The following CMTM6 variants were observed in gnomAD, a reference collection of about 807,000 sequenced individuals.
The protein encoded by CMTM6 is CKLF-like MARVEL transmembrane domain-containing protein 6.
CMTM6 carries 5 observed loss-of-function variants against 13.6 expected under a neutral mutation model. That is an observed-to-expected ratio of 0.37 (90% CI 0.19 to 0.77). CMTM6 has a LOEUF of 0.77. Among genes scored for constraint, CMTM6 ranks in the 30% least tolerant of loss-of-function variants. The probability of loss-of-function intolerance (pLI) is 0.50; values close to 1 mark genes in which losing one functional copy is unlikely to be tolerated. For missense variants in CMTM6, 196 were observed against 218.6 expected, an observed-to-expected ratio of 0.90 and a Z score of 0.65; for synonymous variants, 99 against 84.5, an observed-to-expected ratio of 1.17 and a Z score of -0.94.
chr3:32,491,585 G>C, intron 2 of CMTM6, 125 bp downstream of exon 2: 1 of 800,756 alleles, frequency 1.2e-6, no homozygotes, highest in East Asian at 2.8e-5. Context: ...AGCAGAGCGA[G>C]TTGGAACAAG....
At position 32,483,709 on chromosome 3, in the gene CMTM6, T is replaced by G. The variant is rs1172382481; in HGVS notation, c.*251A>C. The G allele has an allele frequency of 3.6e-6, 1 of 275,994 alleles. No homozygotes were observed. Among genetic ancestry groups the G allele is most frequent in the African/African-American group, 2.2e-5 (1 of 45,654 alleles). 17.1% of individuals were successfully genotyped at this position (275,994 alleles called of 1,614,324 possible). On this transcript the variant is annotated 3_prime_UTR_variant, in exon 4 of 4. Coordinates refer to ENST00000205636, the MANE Select transcript of CMTM6 (RefSeq NM_017801.3). ...GCTGTGTGATTTAAAAACAATTGTTTTCTCCTCCTCCCACCAAAATCTCCA... is the reference window on the plus strand; with the variant it reads ...GCTGTGTGATTTAAAAACAATTGTTGTCTCCTCCTCCCACCAAAATCTCCA...
rs564375190 is a variant in CMTM6, at chr3:32,483,170, G to A, written c.*790C>T. On this transcript the variant is annotated 3_prime_UTR_variant, in exon 4 of 4. Coordinates refer to ENST00000205636, the MANE Select transcript of CMTM6 (RefSeq NM_017801.3). ...TTACTTTCACTGTCTTGGGCAAAAA[G>A]TCTTTCTTATCTTTGGTCCTTAGGT... 1.3e-5 allele frequency: 2 copies of A among 152,712 alleles called. No homozygotes were observed. The highest frequency in any genetic ancestry group is 1.9e-4 in the East Asian group (1 of 5,182). 9.5% of individuals were successfully genotyped at this position (152,712 alleles called of 1,614,324 possible).
At chr3:32,495,441 A>T (rs1289241059) in intron 1 of CMTM6, among the ~76,000 whole-genome samples, 1 of 152,226 alleles carries the variant, frequency 6.6e-6, no homozygotes, top group African/African-American at 2.4e-5. Flanking sequence ...CTAATAAAAT[A>T]CTAAATATCT....
intron 1 of CMTM6, among the ~76,000 whole-genome samples, chr3:32,496,527 C>G (rs1697293344): frequency 2.0e-5 from 3 of 152,194 alleles, no homozygotes; most frequent in African/African-American, 7.2e-5. Flanking sequence ...CTTGAACTAG[C>G]AACACTCCAA....
At chr3:32,491,076 A>C (rs73826567) in intron 2 of CMTM6, among the ~76,000 whole-genome samples, 3,321 of 152,352 alleles carry the variant, frequency 0.022, 126 homozygotes, top group African/African-American at 0.076. Context: ...AAATTCCTAT[A>C]GTGATGGCAT....
At chr3:32,485,705 C>T (rs187590389) in intron 3 of CMTM6, among the ~76,000 whole-genome samples, 113 of 152,248 alleles carry the variant, frequency 7.4e-4, no homozygotes, top group African/African-American at 2.4e-3. Context: ...AATCAAGATT[C>T]AGTGTTAATT....
At chr3:32,499,081 AT>A (rs1289739879) in intron 1 of CMTM6, among the ~76,000 whole-genome samples, 1 of 152,226 alleles carries the variant, frequency 6.6e-6, no homozygotes, top group Non-Finnish European at 1.5e-5. Context: ...CTTTGTAGTT[AT>A]AAGTAAAGTT....
At position 32,487,937 on chromosome 3, in the gene CMTM6, C is replaced by A. The variant is rs1697219183; in HGVS notation, c.414+1G>T. 6.2e-7 allele frequency: 1 copy of A among 1,604,370 alleles called. No homozygotes were observed. The highest frequency in any genetic ancestry group is 8.5e-7 in the Non-Finnish European group (1 of 1,172,048). On this transcript the variant is annotated splice_donor_variant, in intron 3 of 3. Transcript: ENST00000205636. LOFTEE classifies it high-confidence loss of function. Reference sequence around the variant, plus strand: ...CAATGTTAAAAATACAAGGTACTTACAATTGCAGCAATCTCAGCTGAAGTC... The same window carrying A: ...CAATGTTAAAAATACAAGGTACTTAAAATTGCAGCAATCTCAGCTGAAGTC...
rs776609418 is a variant in CMTM6 at position 32,484,014 on chromosome 3, T to C, written c.498A>G (p.Arg166=). 8.7e-6 allele frequency: 14 copies of C among 1,611,742 alleles called. No individual in the cohort carries two copies. Among genetic ancestry groups the C allele is most frequent in the Non-Finnish European group, 9.3e-6 (11 of 1,179,384 alleles). The part of the protein sequence containing the change: ...LYEKRQESQL[R]KPENTTRAEA... ...CAGCCCTAGTGGTATTTTCAGGTTT[T>C]CTCAGCTGGGACTCCTGTCGTTTTT... Residue 166 remains arginine (R), a synonymous_variant, in exon 4 of 4, where the codon AGA becomes AGG. Transcript: ENST00000205636.
At chr3:32,493,967 G>A (rs1211349555) in intron 1 of CMTM6, among the ~76,000 whole-genome samples, 1 of 152,138 alleles carries the variant, frequency 6.6e-6, no homozygotes, top group Non-Finnish European at 1.5e-5. Context: ...GACAGCATAG[G>A]CAATAAGTGT....
intron 1 of CMTM6, among the ~76,000 whole-genome samples, chr3:32,500,736 A>G (rs1157586659): frequency 1.3e-5 from 2 of 152,218 alleles, no homozygotes; most frequent in African/African-American, 4.8e-5. Context: ...GTTATGTTCT[A>G]TTCCAAAGAT....
chr3:32,499,124 AG>A (rs1697324099), intron 1 of CMTM6, among the ~76,000 whole-genome samples: 1 of 152,242 alleles, frequency 6.6e-6, no homozygotes, highest in Admixed American at 6.5e-5. Flanking sequence ...CTGAAGAAAC[AG>A]GCCAGGCCTC....
Position 32,495,030 on chromosome 3 carries a change from C to T in CMTM6, c.139-3144G>A, listed in dbSNP as rs138039078. 6.5e-3 allele frequency among the ~76,000 whole-genome samples: 984 copies of T among 151,458 alleles called. 16 individuals carry two copies. Among genetic ancestry groups the T allele is most frequent in the African/African-American group, 0.023 (937 of 41,312 alleles). Reference sequence around the variant, plus strand: ...CCTGTACTTTTTTTTTTTGCAATTCCTGTGAATCTATAATAATTTCAAAAT... The same window carrying T: ...CCTGTACTTTTTTTTTTTGCAATTCTTGTGAATCTATAATAATTTCAAAAT... On this transcript the variant is annotated intron_variant, in intron 1 of 3. Coordinates refer to ENST00000205636, the MANE Select transcript of CMTM6 (RefSeq NM_017801.3).
At position 32,495,714 on chromosome 3, in the gene CMTM6, T is replaced by A. The variant is rs568768807; in HGVS notation, c.139-3828A>T. Among the ~76,000 whole-genome samples, 9 of 152,246 alleles carry A rather than the reference T, an allele frequency of 5.9e-5. No individual in the cohort carries two copies. The South Asian group carries it at 1.7e-3, about 28-fold the overall frequency. On this transcript the variant is annotated intron_variant, in intron 1 of 3. Coordinates refer to ENST00000205636, the MANE Select transcript of CMTM6 (RefSeq NM_017801.3). ...ACAGACATAGGCTGCTTGTCTACTTTCAGTAAAAAAAGACAGGATCCAGCT... is the reference window on the plus strand; with the variant it reads ...ACAGACATAGGCTGCTTGTCTACTTACAGTAAAAAAAGACAGGATCCAGCT...
chr3:32,494,282 T>C (rs1697271553), intron 1 of CMTM6, among the ~76,000 whole-genome samples: 1 of 152,194 alleles, frequency 6.6e-6, no homozygotes, highest in Non-Finnish European at 1.5e-5. Flanking sequence ...AAATGACTGA[T>C]GACCTAAGTC....
intron 1 of CMTM6, among the ~76,000 whole-genome samples, chr3:32,496,283 C>G (rs1432829450): frequency 3.3e-5 from 5 of 151,198 alleles, no homozygotes; most frequent in Non-Finnish European, 5.9e-5. Context: ...AAGCTATAGT[C>G]AATATGAAAT....
intron 3 of CMTM6, among the ~76,000 whole-genome samples, chr3:32,486,810 C>T (rs189674010): frequency 8.3e-4 from 127 of 152,272 alleles, no homozygotes; most frequent in African/African-American, 2.4e-3. Context: ...CCCCCTCTGG[C>T]GCTGTTCTTG....
In CMTM6 at chr3:32,484,383, G is replaced by A. The variant is rs114796555; in HGVS notation, c.415-286C>T. 7.9e-3 allele frequency among the ~76,000 whole-genome samples: 1,204 copies of A among 151,982 alleles called. 15 individuals carry two copies. Among genetic ancestry groups the A allele is most frequent in the African/African-American group, 0.028 (1,157 of 41,344 alleles). Reference sequence around the variant, plus strand: ...TGTGGAGGGCTAATATATGAAAGTAGGGTTAACAGATAAACATTAAATCCT... The same window carrying A: ...TGTGGAGGGCTAATATATGAAAGTAAGGTTAACAGATAAACATTAAATCCT... On this transcript the variant is annotated intron_variant, in intron 3 of 3. Coordinates refer to ENST00000205636, the MANE Select transcript of CMTM6 (RefSeq NM_017801.3).
Position 32,484,081 on chromosome 3 carries a change from G to C in CMTM6, c.431C>G (p.Ala144Gly). 1 of 1,592,606 alleles carries C rather than the reference G, an allele frequency of 6.3e-7. No individual in the cohort carries two copies. The highest frequency in any genetic ancestry group is 8.5e-7 in the Non-Finnish European group (1 of 1,170,866). ...AAAGTCAAGTAGGAACATAAAACTT[G>C]CTATAAATCCAAACACCTGAGGAAA... ...EIAAIVFGFI[A>G]SFMFLLDFIT... Residue 144 changes from alanine to glycine, a missense_variant, in exon 4 of 4, where the codon GCA becomes GGA. Physicochemically the swap from Ala to Gly is moderately conservative, Grantham distance 60. Transcript: ENST00000205636.
Sources: allele counts gnomAD v4.1 joint callset (sites outside exome capture counted in the v4.1 genomes callset), GRCh38; gene constraint gnomAD v4.1.1; transcripts MANE v1.5; gene names NCBI Gene and HGNC (gene_info 2026-07-23, HGNC 2026-07-21).